The following TENM3 variants were observed in gnomAD, a reference collection of about 807,000 sequenced individuals.
TENM3 encodes teneurin-3.
Under a neutral mutation model 255.1 loss-of-function variants are expected in TENM3, and 63 were observed. The observed-to-expected ratio is 0.25, with a 90% CI of 0.20 to 0.30. TENM3 has a LOEUF of 0.30. Among genes scored for constraint, TENM3 ranks in the 10% least tolerant of loss-of-function variants. The pLI, the probability that TENM3 is intolerant of heterozygous loss-of-function variation, is 1.00. For missense variants in TENM3, 2,929 were observed against 3,461.1 expected, an observed-to-expected ratio of 0.85 and a Z score of 3.86; for synonymous variants, 1,306 against 1,322.3, an observed-to-expected ratio of 0.99 and a Z score of 0.27.
At chr4:182,120,218 C>T in the TENM3 span, among the ~76,000 whole-genome samples, 3 of 152,110 alleles carry the variant, frequency 2.0e-5, no homozygotes, top group South Asian at 2.1e-4. Context: ...CAATTCCTTA[C>T]CATTGTGTTA....
At chr4:181,595,630 G>T in the TENM3 span, among the ~76,000 whole-genome samples, 1 of 152,022 alleles carries the variant, frequency 6.6e-6, no homozygotes, top group Non-Finnish European at 1.5e-5. Context: ...TGACTCATAT[G>T]TGCATTATAG....
the TENM3 span, among the ~76,000 whole-genome samples, chr4:181,990,657 A>G: frequency 6.6e-6 from 1 of 152,126 alleles, no homozygotes; most frequent in South Asian, 2.1e-4. Flanking sequence ...GTTGTGTAGT[A>G]ATAAGCGGCA....
chr4:182,031,076 T>G, the TENM3 span, among the ~76,000 whole-genome samples: 1 of 152,230 alleles, frequency 6.6e-6, no homozygotes, highest in Non-Finnish European at 1.5e-5. Flanking sequence ...CATTTGTCAA[T>G]TTTTGCTTTT....
intron 1 of TENM3, among the ~76,000 whole-genome samples, chr4:182,247,608 G>T (rs903762743): frequency 2.0e-5 from 3 of 152,168 alleles, no homozygotes; most frequent in African/African-American, 7.2e-5. Flanking sequence ...CAGTGACTTT[G>T]TTTTCTGTCC....
chr4:181,707,052 C>G, the TENM3 span, among the ~76,000 whole-genome samples: 3 of 152,170 alleles, frequency 2.0e-5, no homozygotes, highest in South Asian at 6.2e-4. Context: ...GCAGGCCATA[C>G]TGTTATATTC....
the TENM3 span, among the ~76,000 whole-genome samples, chr4:181,546,845 T>TTTTG: frequency 0.11 from 16,009 of 151,908 alleles, 1,177 homozygotes; most frequent in African/African-American, 0.19. Context: ...GAGCTTCTTT[T>TTTTG]TTTGTTTTTT....
At chr4:181,678,196 A>T in the TENM3 span, among the ~76,000 whole-genome samples, 1 of 152,108 alleles carries the variant, frequency 6.6e-6, no homozygotes, top group South Asian at 2.1e-4. Context: ...ATCACTGAAC[A>T]CCACAAAAAT....
chr4:182,044,435 G>T, the TENM3 span, among the ~76,000 whole-genome samples: 1 of 152,122 alleles, frequency 6.6e-6, no homozygotes, highest in Non-Finnish European at 1.5e-5. Context: ...ATGTCCTAAG[G>T]TCACGCAGAT....
the TENM3 span, among the ~76,000 whole-genome samples, chr4:181,540,264 C>T: frequency 2.0e-5 from 3 of 151,628 alleles, no homozygotes; most frequent in Admixed American, 1.3e-4. Context: ...GATTATAATC[C>T]GAATAACAAA....
intron 1 of TENM3, among the ~76,000 whole-genome samples, chr4:182,226,695 A>G (rs190052467): frequency 9.9e-5 from 15 of 152,262 alleles, no homozygotes; most frequent in African/African-American, 3.4e-4. Context: ...TGCTCTATCT[A>G]TAGCAAAGAC....
At chr4:182,243,769 C>T (rs1297044095) in intron 1 of TENM3, among the ~76,000 whole-genome samples, 2 of 151,988 alleles carry the variant, frequency 1.3e-5, no homozygotes, top group African/African-American at 4.8e-5. Context: ...AATTCATAGT[C>T]ACATCAGCGA....
At chr4:182,013,953 TACACAC>T in the TENM3 span, among the ~76,000 whole-genome samples, 1 of 139,050 alleles carries the variant, frequency 7.2e-6, no homozygotes, top group Non-Finnish European at 1.5e-5. Context: ...TATACGTATA[TACACAC>T]ATATATACGT....
chr4:182,347,954 T>TGG (rs1439109868), intron 3 of TENM3, among the ~76,000 whole-genome samples: 7 of 152,250 alleles, frequency 4.6e-5, no homozygotes, highest in South Asian at 2.1e-4. Context: ...ATTTATTGGG[T>TGG]GACTTTGTCA....
chr4:181,569,390 G>A, the TENM3 span, among the ~76,000 whole-genome samples: 1 of 152,180 alleles, frequency 6.6e-6, no homozygotes, highest in Non-Finnish European at 1.5e-5. Flanking sequence ...ACTGCAAGTT[G>A]TTGAAAGTGT....
chr4:181,874,389 C>A, the TENM3 span: 11 of 152,182 alleles, frequency 7.2e-5, no homozygotes, highest in Admixed American at 7.2e-4. Context: ...TCGACATTTG[C>A]TTCACATATT....
intron 3 of TENM3, among the ~76,000 whole-genome samples, chr4:182,597,767 C>T (rs1024460300): frequency 5.9e-5 from 9 of 152,098 alleles, no homozygotes; most frequent in Admixed American, 2.0e-4. Context: ...TAAATTGGTA[C>T]GGATAAATAC....
At chr4:182,344,365 T>G (rs549080002) in intron 2 of TENM3, among the ~76,000 whole-genome samples, 1 of 152,254 alleles carries the variant, frequency 6.6e-6, no homozygotes, top group East Asian at 1.9e-4. Flanking sequence ...TGGAGAATTT[T>G]GAATCATTGT....
the TENM3 span, among the ~76,000 whole-genome samples, chr4:181,803,599 G>A: frequency 0.2 from 30,136 of 151,952 alleles, 3,190 homozygotes; most frequent in East Asian, 0.39. Flanking sequence ...CCATGGTCCA[G>A]GCCAGTAAGG....
At chr4:181,483,953 T>C in the TENM3 span, among the ~76,000 whole-genome samples, 4 of 152,294 alleles carry the variant, frequency 2.6e-5, no homozygotes, top group East Asian at 7.7e-4. Flanking sequence ...AGAATACATA[T>C]TTAAAGCAAA....
Sources: gnomAD v4.1 joint callset for allele counts (sites outside exome capture counted in the v4.1 genomes callset) on GRCh38, gnomAD v4.1.1 for gene constraint, MANE v1.5 for transcripts, NCBI Gene and HGNC (gene_info 2026-07-23, HGNC 2026-07-21) for gene names.